Variants in BCL2L11 observed in about 807,000 individuals in gnomAD.
BCL2L11 encodes BCL2 like 11.
In BCL2L11, 15 loss-of-function variants were observed where a neutral mutation model predicts 20.6. The ratio of observed to expected loss-of-function variants is 0.73; its 90% CI spans 0.49 to 1.12. The LOEUF (loss-of-function observed/expected upper bound fraction) is 1.12, where lower values mean the gene tolerates loss of function less well. BCL2L11 is among the 50% of genes most tolerant of loss of function. BCL2L11 has a pLI of 0.00. For synonymous variants in BCL2L11, 108 were observed against 92.8 expected (o/e 1.16, Z -0.94); for missense variants, 292 against 260.9 (o/e 1.12, Z -0.82).
At chr2:111,147,340 TCTCTCTCA>T (rs1324915616) in intron 2 of BCL2L11, among the ~76,000 whole-genome samples, 3 of 134,974 alleles carry the variant, frequency 2.2e-5, no homozygotes, top group African/African-American at 8.3e-5. Flanking sequence ...TCTCTCTCTC[TCTCTCTCA>T]CACACACACA....
chr2:111,149,151 G>A (rs1438096130), intron 2 of BCL2L11, among the ~76,000 whole-genome samples: 1 of 152,124 alleles, frequency 6.6e-6, no homozygotes, highest in African/African-American at 2.4e-5. Context: ...TGAGTGTAAT[G>A]CTTTCCTGGT....
At position 111,120,988 on chromosome 2, in the gene BCL2L11, C is replaced by CGCCGCCGCCGCCGCCGCTGCCGCT. The variant is rs2070773031; in HGVS notation, c.-197_-196insTGCCGCTGCCGCCGCCGCCGCCGC. 1 of 327,542 alleles carries CGCCGCCGCCGCCGCCGCTGCCGCT rather than the reference C, an allele frequency of 3.1e-6. No individual in the cohort carries two copies. The highest frequency in any genetic ancestry group is 2.5e-5 in the African/African-American group (1 of 40,474). The allele number at this position is 327,542 out of a possible 1,614,324, so 20.3% of individuals were successfully genotyped here. On this transcript the variant is annotated 5_prime_UTR_variant, in exon 1 of 4. Transcript: ENST00000393256. ...CCAGCGCCGCTGCCGCTGCCGCCGC[C>CGCCGCCGCCGCCGCCGCTGCCGCT]GCCGCCGCCGCCGCCGCCGCCGCCG...
chr2:111,163,342 G>A (rs2078797675), intron 3 of BCL2L11: 1 of 152,326 alleles, frequency 6.6e-6, no homozygotes, highest in African/African-American at 2.4e-5. Flanking sequence ...TCGAGGTTGA[G>A]GTGTTGTGTT....
At chr2:111,160,477 G>T (rs1453718282) in intron 3 of BCL2L11, among the ~76,000 whole-genome samples, 1 of 152,324 alleles carries the variant, frequency 6.6e-6, no homozygotes, top group East Asian at 1.9e-4. Flanking sequence ...GGGGCTGTCA[G>T]GAACTGGTTC....
intron 2 of BCL2L11, among the ~76,000 whole-genome samples, chr2:111,132,701 A>G (rs1352077317): frequency 6.6e-6 from 1 of 152,196 alleles, no homozygotes; most frequent in African/African-American, 2.4e-5. Context: ...TTGCCAGCAA[A>G]CATTGCCTGT....
chr2:111,152,127 C>T (rs1337687014), intron 3 of BCL2L11, among the ~76,000 whole-genome samples: 2 of 152,260 alleles, frequency 1.3e-5, no homozygotes, highest in South Asian at 2.1e-4. Context: ...ACTCAAGTCC[C>T]GATTCTGGTA....
intron 3 of BCL2L11, among the ~76,000 whole-genome samples, chr2:111,158,988 C>G (rs1324746910): frequency 1.3e-5 from 2 of 152,224 alleles, no homozygotes; most frequent in African/African-American, 4.8e-5. Context: ...GGTGTCAGCC[C>G]TGCCTTTGGA....
rs1050264574 is a variant in BCL2L11, at chr2:111,146,070, ATATTT to A, written c.395-3969_395-3965del. The stretch of plus-strand genomic sequence containing the variant: ...AGTCACTTTACCTCAAGAGCAGTTT[ATATTT>A]TATTGTGCTTTAAAAAAAAAATTTA... On this transcript the variant is annotated intron_variant, in intron 2 of 3. Coordinates refer to ENST00000393256, the MANE Select transcript of BCL2L11 (RefSeq NM_138621.5). The A allele has an allele frequency of 2.4e-5, 24 of 984,888 alleles. No individual in the cohort carries two copies. In the African/African-American group the frequency reaches 3.7e-4, roughly 15 times the overall value. 61.0% of individuals were successfully genotyped at this position (984,888 alleles called of 1,614,324 possible).
intron 1 of BCL2L11, among the ~76,000 whole-genome samples, chr2:111,122,083 G>C (rs1454752511): frequency 1.3e-5 from 2 of 152,234 alleles, no homozygotes; most frequent in Admixed American, 1.3e-4. Context: ...GGTCGCGGAC[G>C]TGCGCGTCCG....
intron 2 of BCL2L11, among the ~76,000 whole-genome samples, chr2:111,145,075 C>T (rs1260431426): frequency 6.6e-6 from 1 of 152,174 alleles, no homozygotes; most frequent in Non-Finnish European, 1.5e-5. Context: ...TGATTCTACT[C>T]GAGTGTTTGT....
intron 2 of BCL2L11, 41 bp downstream of exon 2, chr2:111,124,180 G>T (rs1433592140): frequency 6.5e-7 from 1 of 1,547,042 alleles, no homozygotes; most frequent in South Asian, 1.2e-5. Context: ...CGTGTGGATG[G>T]TTGAATCTGC....
rs62163313 is a variant in BCL2L11, at chr2:111,147,350, A to G, written c.395-2694A>G. On this transcript the variant is annotated intron_variant, in intron 2 of 3. Coordinates refer to ENST00000393256, the MANE Select transcript of BCL2L11 (RefSeq NM_138621.5). ...GTATCTCTCTCTCTCTCTCTCTCAC[A>G]CACACACACACACACACACACACAC... Among the ~76,000 whole-genome samples the G allele has an allele frequency of 8.3e-5, 6 of 72,132 alleles. No individual in the cohort carries two copies. In the East Asian group the frequency reaches 4.2e-3, roughly 50 times the overall value. The allele number at this position is 72,132 out of a possible 152,430, so 47.3% of individuals were successfully genotyped here. A position where few individuals can be genotyped will look rare whatever the true frequency, so the allele number is the denominator to read the frequency against.
At chr2:111,129,977 A>G (rs956567918) in intron 2 of BCL2L11, among the ~76,000 whole-genome samples, 3 of 152,192 alleles carry the variant, frequency 2.0e-5, no homozygotes, top group Non-Finnish European at 4.4e-5. Context: ...ATAGTATTCC[A>G]TAGATGATGC....
chr2:111,161,639 G>A (rs1193708653), intron 3 of BCL2L11: 2 of 1,389,496 alleles, frequency 1.4e-6, no homozygotes, highest in Non-Finnish European at 1.9e-6. Context: ...TGTCATACTT[G>A]CCTTTAACTG....
At chr2:111,129,066 G>A (rs983347930) in intron 2 of BCL2L11, among the ~76,000 whole-genome samples, 43 of 152,364 alleles carry the variant, frequency 2.8e-4, no homozygotes, top group African/African-American at 9.6e-4. Flanking sequence ...GAGAATGGAA[G>A]TGATTAGCAG....
rs368164757 is a variant in BCL2L11 at position 111,121,109 on chromosome 2, G to C, written c.-93G>C. 2.7e-5 allele frequency: 8 copies of C among 291,810 alleles called. No homozygotes were observed. The highest frequency in any genetic ancestry group is 5.1e-5 in the Non-Finnish European group (8 of 157,706). The allele number at this position is 291,810 out of a possible 1,614,324, so 18.1% of individuals were successfully genotyped here. Reference sequence around the variant, plus strand: ...GCGGTATTCGGTTCGCTGCGTTCCCGCCGCCACCGCCTCGGCGCCCTTTCT... The same window carrying C: ...GCGGTATTCGGTTCGCTGCGTTCCCCCCGCCACCGCCTCGGCGCCCTTTCT... On this transcript the variant is annotated 5_prime_UTR_variant, in exon 1 of 4. Coordinates refer to ENST00000393256, the MANE Select transcript of BCL2L11 (RefSeq NM_138621.5).
rs1394795184 is a variant in BCL2L11 at position 111,123,922 on chromosome 2, C to A, written c.177C>A (p.Ser59Arg). ...AAGGGGACAGCTGCCCCCACGGCAG[C>A]CCTCAGGGCCCGCTGGCCCCACCTG... is the stretch of plus-strand genomic sequence containing the variant. The part of the protein sequence containing the change: ...GGEGDSCPHG[S>R]PQGPLAPPAS... Residue 59 changes from serine to arginine, a missense_variant, in exon 2 of 4, where the codon AGC becomes AGA. Ser to Arg is a moderately radical substitution (Grantham distance 110). Coordinates refer to ENST00000393256, the MANE Select transcript of BCL2L11 (RefSeq NM_138621.5). 6.2e-7 allele frequency: 1 copy of A among 1,613,468 alleles called. No individual in the cohort carries two copies. Among genetic ancestry groups the A allele is most frequent in the East Asian group, 2.2e-5 (1 of 44,896 alleles).
At chr2:111,153,911 G>A (rs570097760) in intron 3 of BCL2L11, 190 of 1,536,778 alleles carry the variant, frequency 1.2e-4, no homozygotes, top group South Asian at 1.1e-3. Flanking sequence ...ACAGGTGAGC[G>A]CAAAGTCCCA....
intron 2 of BCL2L11, among the ~76,000 whole-genome samples, chr2:111,131,154 C>T (rs533394838): frequency 7.5e-6 from 1 of 133,616 alleles, no homozygotes; most frequent in South Asian, 2.3e-4. Context: ...GGTATTGATT[C>T]TTTTCTCAAT....
Sources: gnomAD v4.1 joint callset for allele counts (sites outside exome capture counted in the v4.1 genomes callset) on GRCh38, gnomAD v4.1.1 for gene constraint, MANE v1.5 for transcripts, NCBI Gene and HGNC (gene_info 2026-07-23, HGNC 2026-07-21) for gene names.